PARD3B: variants seen among roughly 807,000 people sequenced by gnomAD.
PARD3B encodes par-3 family cell polarity regulator beta, also known as partitioning defective 3 homolog B.
PARD3B carries 103 observed loss-of-function variants against 130.2 expected under a neutral mutation model. That is an observed-to-expected ratio of 0.79 (90% CI 0.67 to 0.93). The LOEUF is 0.93. Among genes scored for constraint, PARD3B ranks in the 40% least tolerant of loss-of-function variants. PARD3B has a pLI of 0.00. For synonymous variants in PARD3B, 583 were observed against 553.2 expected, an observed-to-expected ratio of 1.05 and a Z score of -0.76; for missense variants, 1,609 against 1,499.2, an observed-to-expected ratio of 1.07 and a Z score of -1.21.
rs1433188273 is a variant in PARD3B at position 205,590,026 on chromosome 2, CTCTT to C, written c.3261-25426_3261-25423del. On this transcript the variant is annotated intron_variant, in intron 22 of 22. Transcript: ENST00000406610. The surrounding 1 kb of genome is among the most constrained non-coding windows in gnomAD (Gnocchi z 4.1). Reference sequence around the variant, plus strand: ...GGTTTCCAAAGTGAATGACCACTGGCTCTTTCTAAGTATTTTATCCTCTAGTACT... The same window carrying C: ...GGTTTCCAAAGTGAATGACCACTGGCTCTAAGTATTTTATCCTCTAGTACT... Among the ~76,000 whole-genome samples, 12 of 152,084 alleles carry C rather than the reference CTCTT, an allele frequency of 7.9e-5. No homozygotes were observed. Among genetic ancestry groups the C allele is most frequent in the African/African-American group, 2.7e-4 (11 of 41,362 alleles).
intron 16 of PARD3B, among the ~76,000 whole-genome samples, chr2:205,279,988 CCA>C (rs1189633306): frequency 6.6e-6 from 1 of 152,092 alleles, no homozygotes; most frequent in Non-Finnish European, 1.5e-5. Context: ...TATTTTCATT[CCA>C]GAGTCATACT....
intron 1 of PARD3B, among the ~76,000 whole-genome samples, chr2:204,594,598 T>C (rs1036737917): frequency 2.0e-5 from 3 of 152,218 alleles, no homozygotes; most frequent in Non-Finnish European, 2.9e-5. Flanking sequence ...GGCATCCCAG[T>C]GCTCAGCTGC....
chr2:204,811,043 G>A (rs974733125), intron 2 of PARD3B, among the ~76,000 whole-genome samples: 6 of 152,112 alleles, frequency 3.9e-5, no homozygotes, highest in Admixed American at 6.6e-5. Context: ...TCTTGGAAGA[G>A]TGTGTGTGTC....
Position 205,575,679 on chromosome 2 carries a change from T to TC in PARD3B, c.3260+22278dup, listed in dbSNP as rs1351646757. Among the ~76,000 whole-genome samples the TC allele has an allele frequency of 6.6e-6, 1 of 152,164 alleles. No homozygotes were observed. Among genetic ancestry groups the TC allele is most frequent in the Non-Finnish European group, 1.5e-5 (1 of 68,018 alleles). On this transcript the variant is annotated intron_variant, in intron 22 of 22. Transcript: ENST00000406610. This position sits in a 1 kb window ranked among gnomAD's most constrained non-coding sequence, Gnocchi z 4.6. ...TCACTTTATAATATGCATTTAAGTT[T>TC]CCTCCATGCTTTTTCATGGCTTGAT... is the stretch of plus-strand genomic sequence containing the variant.
intron 2 of PARD3B, among the ~76,000 whole-genome samples, chr2:204,746,246 C>T (rs1466518378): frequency 8.0e-5 from 12 of 150,086 alleles, no homozygotes; most frequent in Admixed American, 6.0e-4. Flanking sequence ...TTTTTTTGTG[C>T]TTGCGGTAGT....
rs1175472007 is a variant in PARD3B, at chr2:205,366,084, C to CCGTTTATCCATCCATT, written c.2631-34927_2631-34912dup. 6.6e-6 allele frequency among the ~76,000 whole-genome samples: 1 copy of CCGTTTATCCATCCATT among 151,452 alleles called. No individual in the cohort carries two copies. The highest frequency in any genetic ancestry group is 1.5e-5 in the Non-Finnish European group (1 of 67,890). On this transcript the variant is annotated intron_variant, in intron 18 of 22. Transcript: ENST00000406610. The surrounding 1 kb of genome is among the most constrained non-coding windows in gnomAD (Gnocchi z 5.0). ...TCTATCCCCCCACTCATCCATCCAT[C>CCGTTTATCCATCCATT]CGTTTATCCATCCATTCATCCATCC...
intron 18 of PARD3B, among the ~76,000 whole-genome samples, chr2:205,333,689 C>T (rs2043212691): frequency 6.6e-6 from 1 of 152,088 alleles, no homozygotes; most frequent in Admixed American, 6.6e-5. Flanking sequence ...AGAATATTTT[C>T]CATGTACCCT....
intron 15 of PARD3B, among the ~76,000 whole-genome samples, chr2:205,203,952 C>A (rs2037138187): frequency 6.6e-6 from 1 of 152,132 alleles, no homozygotes; most frequent in Admixed American, 6.6e-5. Flanking sequence ...ATTTATAATC[C>A]TTTGGGTATA....
chr2:205,031,204 T>A (rs1697398004), intron 3 of PARD3B, among the ~76,000 whole-genome samples: 1 of 152,150 alleles, frequency 6.6e-6, no homozygotes, highest in Admixed American at 6.6e-5. Context: ...TTCAACCTAT[T>A]TCATTTTGAG....
intron 10 of PARD3B, among the ~76,000 whole-genome samples, chr2:205,126,479 A>G (rs977359094): frequency 3.9e-5 from 6 of 152,132 alleles, no homozygotes; most frequent in Non-Finnish European, 8.8e-5. Flanking sequence ...TCTGTAAAAA[A>G]TTGATAATAC....
chr2:205,036,174 A>G (rs1697853714), intron 3 of PARD3B, among the ~76,000 whole-genome samples: 2 of 145,984 alleles, frequency 1.4e-5, no homozygotes, highest in African/African-American at 5.0e-5. Flanking sequence ...TATATAGTGG[A>G]CTATATATAC....
At position 204,923,753 on chromosome 2, in the gene PARD3B, G is replaced by GA. The variant is rs535681008; in HGVS notation, c.223-41393dup. ...ATGACACCACTGATGCTAACTTTTA[G>GA]AAAAAAGCAAGAAGGTAGCCTACTT... is the stretch of plus-strand genomic sequence containing the variant. On this transcript the variant is annotated intron_variant, in intron 2 of 22. Coordinates refer to ENST00000406610, the MANE Select transcript of PARD3B (RefSeq NM_001302769.2). 9.3e-4 allele frequency among the ~76,000 whole-genome samples: 141 copies of GA among 151,970 alleles called. 2 individuals are homozygous for GA. The South Asian group carries it at 0.018, about 19-fold the overall frequency.
intron 21 of PARD3B, among the ~76,000 whole-genome samples, chr2:205,517,129 T>C (rs373119613): frequency 2.0e-5 from 3 of 152,310 alleles, no homozygotes; most frequent in East Asian, 3.9e-4. Flanking sequence ...TTGATAATGA[T>C]GGATAAGCTT....
chr2:204,546,086 G>C lies in PARD3B; in HGVS notation c.87G>C (p.Gln29His). Residue 29 changes from glutamine to histidine, a missense_variant, in exon 1 of 23, where the codon CAG becomes CAC. Gln to His is a conservative substitution (Grantham distance 24). Transcript: ENST00000406610. ...TGCGCGTCGGCGAGCTCACCCAGCA[G>C]GCGCTGCAGCGGTACCTGAAGACCC... is the stretch of plus-strand genomic sequence containing the variant. ...GQLRVGELTQ[Q>H]ALQRYLKTRE... 6.4e-7 allele frequency: 1 copy of C among 1,557,858 alleles called. No individual in the cohort carries two copies. Among genetic ancestry groups the C allele is most frequent in the Non-Finnish European group, 8.7e-7 (1 of 1,150,710 alleles).
At position 205,069,048 on chromosome 2, in the gene PARD3B, CT is replaced by C. The variant is rs528146798; in HGVS notation, c.504+21368del. Among the ~76,000 whole-genome samples, 33 of 148,104 alleles carry C rather than the reference CT, an allele frequency of 2.2e-4. 1 individual carries two copies. Among genetic ancestry groups the C allele is most frequent in the East Asian group, 1.4e-3 (7 of 5,084 alleles). ...TTCTTCAAATATTCGATATACCTAC[CT>C]TTTTTTTTTCTTTTACTCTATCTGC... is the stretch of plus-strand genomic sequence containing the variant. On this transcript the variant is annotated intron_variant, in intron 4 of 22. Transcript: ENST00000406610.
At chr2:204,745,710 C>T (rs538557887) in intron 2 of PARD3B, among the ~76,000 whole-genome samples, 105 of 152,090 alleles carry the variant, frequency 6.9e-4, no homozygotes, top group African/African-American at 2.1e-3. Flanking sequence ...GCCGATACTA[C>T]CATTTTCATT....
chr2:204,864,704 CT>C (rs2045342742), intron 2 of PARD3B, among the ~76,000 whole-genome samples: 1 of 152,162 alleles, frequency 6.6e-6, no homozygotes, highest in Non-Finnish European at 1.5e-5. Flanking sequence ...CTATCTCCCA[CT>C]TTTGAATGTA....
chr2:205,007,164 C>T (rs1272605068), intron 3 of PARD3B, among the ~76,000 whole-genome samples: 1 of 152,110 alleles, frequency 6.6e-6, no homozygotes, highest in Non-Finnish European at 1.5e-5. Context: ...CCTGCTTGCT[C>T]TTCTCCTTCC....
At chr2:204,760,132 T>C (rs900660589) in intron 2 of PARD3B, among the ~76,000 whole-genome samples, 1 of 152,078 alleles carries the variant, frequency 6.6e-6, no homozygotes, top group Non-Finnish European at 1.5e-5. Context: ...TAGTTTAAGT[T>C]TTTATATTTT....
Sources: gnomAD v4.1 joint callset for allele counts (sites outside exome capture counted in the v4.1 genomes callset) on GRCh38, gnomAD v4.1.1 for gene constraint, Gnocchi (gnomAD v3.1) non-coding constraint, MANE v1.5 for transcripts, NCBI Gene and HGNC (gene_info 2026-07-23, HGNC 2026-07-21) for gene names.